Variants in SLCO1A2 observed in about 807,000 individuals in gnomAD.
SLCO1A2 encodes OATP-1.
A neutral mutation model predicts 69.0 loss-of-function variants in SLCO1A2; 67 were observed. That is an observed-to-expected ratio of 0.97 (90% CI 0.80 to 1.19). SLCO1A2 has a LOEUF of 1.19. Among genes scored for constraint, SLCO1A2 ranks in the 50% most tolerant of loss-of-function variants. The pLI is 0.00. For missense variants in SLCO1A2, 787 were observed against 793.7 expected, an observed-to-expected ratio of 0.99 and a Z score of 0.10; for synonymous variants, 260 against 265.9, an observed-to-expected ratio of 0.98 and a Z score of 0.22.
chr12:21,340,754 C>T (rs1014756509), intron 2 of SLCO1A2, among the ~76,000 whole-genome samples: 2 of 151,812 alleles, frequency 1.3e-5, no homozygotes, highest in African/African-American at 2.4e-5. Flanking sequence ...TTGTCTGTCT[C>T]GGGTTTAAAA....
chr12:21,354,110 C>A (rs1269407312), intron 2 of SLCO1A2, among the ~76,000 whole-genome samples: 2 of 152,192 alleles, frequency 1.3e-5, no homozygotes, highest in Non-Finnish European at 2.9e-5. Flanking sequence ...CAATTCATGA[C>A]ATAAAACAGA....
upstream of SLCO1A2, among the ~76,000 whole-genome samples, chr12:21,336,946 C>G (rs1952911367): frequency 6.6e-6 from 1 of 152,024 alleles, no homozygotes; most frequent in African/African-American, 2.4e-5. Context: ...ATTTCCCTAA[C>G]TCTTTCTCAG....
At chr12:21,315,363 A>G (rs1293141504) in intron 3 of SLCO1A2, among the ~76,000 whole-genome samples, 1 of 152,244 alleles carries the variant, frequency 6.6e-6, no homozygotes, top group Non-Finnish European at 1.5e-5. Flanking sequence ...TAGAATAAAG[A>G]AACTAATGGG....
chr12:21,391,006 A>G (rs2137153549), intron 1 of SLCO1A2, among the ~76,000 whole-genome samples: 1 of 152,262 alleles, frequency 6.6e-6, no homozygotes, highest in South Asian at 2.1e-4. Flanking sequence ...CAAAGGTGGG[A>G]CATGTCTTTG....
chr12:21,365,893 G>T (rs10841799), intron 2 of SLCO1A2, among the ~76,000 whole-genome samples: 49,157 of 151,934 alleles, frequency 0.32, 8,256 homozygotes, highest in East Asian at 0.46. Flanking sequence ...AAAAAGTCAG[G>T]AAACAACAGG....
At chr12:21,327,490 A>T (rs994685200) in intron 2 of SLCO1A2, among the ~76,000 whole-genome samples, 3 of 152,074 alleles carry the variant, frequency 2.0e-5, no homozygotes, top group Admixed American at 2.0e-4. Context: ...CATCCCATGA[A>T]AGCAGCCAGG....
chr12:21,411,530 T>C (rs2137206219), intron 1 of SLCO1A2, among the ~76,000 whole-genome samples: 1 of 152,322 alleles, frequency 6.6e-6, no homozygotes, highest in East Asian at 1.9e-4. Flanking sequence ...ATCCAGTAGA[T>C]ATAATCCCAA....
chr12:21,289,206 G>GTA (rs1946443934), intron 12 of SLCO1A2, among the ~76,000 whole-genome samples: 1 of 151,328 alleles, frequency 6.6e-6, no homozygotes, highest in South Asian at 2.1e-4. Flanking sequence ...GTGTGTGTGT[G>GTA]TGTGTGTGTG....
intron 1 of SLCO1A2, among the ~76,000 whole-genome samples, chr12:21,386,973 A>C (rs540339145): frequency 6.6e-6 from 1 of 152,268 alleles, no homozygotes; most frequent in African/African-American, 2.4e-5. Flanking sequence ...ATGGACAATG[A>C]AGTCCAGGCT....
chr12:21,343,040 G>A (rs1441822213), intron 2 of SLCO1A2, among the ~76,000 whole-genome samples: 1 of 152,102 alleles, frequency 6.6e-6, no homozygotes. Flanking sequence ...ACATGAGTCT[G>A]AAGCTCAGGC....
intron 1 of SLCO1A2, chr12:21,378,408 G>A: frequency 1.2e-6 from 2 of 1,613,654 alleles, no homozygotes; most frequent in Non-Finnish European, 1.7e-6. Flanking sequence ...GAGAGCCACT[G>A]AATTACTTGC....
intron 1 of SLCO1A2, among the ~76,000 whole-genome samples, chr12:21,393,788 A>G (rs1941281164): frequency 2.0e-5 from 3 of 152,208 alleles, no homozygotes; most frequent in Admixed American, 1.3e-4. Flanking sequence ...CTTCTGTAAA[A>G]ATTTTGATTG....
At chr12:21,405,911 C>T (rs988703758) in intron 1 of SLCO1A2, among the ~76,000 whole-genome samples, 3 of 152,140 alleles carry the variant, frequency 2.0e-5, no homozygotes, top group Non-Finnish European at 4.4e-5. Context: ...TAAACATATA[C>T]CACAGGATAA....
chr12:21,412,386 A>G (rs1941922146), intron 1 of SLCO1A2, among the ~76,000 whole-genome samples: 1 of 152,008 alleles, frequency 6.6e-6, no homozygotes. Context: ...TCTCAAGAAA[A>G]AAAAAGGTAT....
At chr12:21,350,957 C>T (rs941768469) in intron 2 of SLCO1A2, among the ~76,000 whole-genome samples, 3 of 148,836 alleles carry the variant, frequency 2.0e-5, no homozygotes, top group South Asian at 2.1e-4. Context: ...GCATATACTG[C>T]GTAACTTAAA....
At chr12:21,366,230 T>C (rs907922894) in intron 2 of SLCO1A2, among the ~76,000 whole-genome samples, 2 of 152,108 alleles carry the variant, frequency 1.3e-5, no homozygotes, top group Admixed American at 6.5e-5. Flanking sequence ...TAAAAAAGGA[T>C]GAGTTCATAT....
intron 12 of SLCO1A2, among the ~76,000 whole-genome samples, chr12:21,276,891 G>C (rs1943960339): frequency 6.6e-6 from 1 of 152,238 alleles, no homozygotes; most frequent in African/African-American, 2.4e-5. Flanking sequence ...CCCACAGTTA[G>C]AACTTGAGTT....
intron 12 of SLCO1A2, 129 bp downstream of exon 12, chr12:21,292,035 C>CA (rs1328945728): frequency 3.5e-6 from 2 of 576,394 alleles, no homozygotes; most frequent in Admixed American, 6.6e-5. Flanking sequence ...ATGCTTAATA[C>CA]AAAACCCTTA....
At chr12:21,297,330 A>G in intron 9 of SLCO1A2, 74 bp downstream of exon 9, 1 of 1,059,318 alleles carries the variant, frequency 9.4e-7, no homozygotes, top group Non-Finnish European at 1.3e-6. Context: ...TCAACTTAGG[A>G]GTTTGCTACA....
Sources: gnomAD v4.1 joint callset for allele counts (sites outside exome capture counted in the v4.1 genomes callset) on GRCh38, gnomAD v4.1.1 for gene constraint, MANE v1.5 for transcripts, NCBI Gene and HGNC (gene_info 2026-07-23, HGNC 2026-07-21) for gene names.